PTPRD: variants seen among roughly 807,000 people sequenced by gnomAD.
PTPRD encodes the protein receptor-type tyrosine-protein phosphatase delta.
A neutral mutation model predicts 214.5 loss-of-function variants in PTPRD; 34 were observed. The ratio of observed to expected loss-of-function variants is 0.16; its 90% CI spans 0.12 to 0.21. PTPRD has a LOEUF of 0.21. PTPRD is among the 10% of genes least tolerant of loss of function. The pLI, the probability that PTPRD is intolerant of heterozygous loss-of-function variation, is 1.00. For missense variants in PTPRD, 2,545 were observed against 2,398.7 expected (o/e 1.06, Z -1.27); for synonymous variants, 1,128 against 845.7 (o/e 1.33, Z -5.79).
chr9:10,543,385 G>C lies in PTPRD; in HGVS notation c.-600+69013C>G, dbSNP rs2059536440. ...CTGACTGCTAAGAGTTCTTTGCAGA[G>C]CTGAAAAATTTACTCATAGAATTTG... On this transcript the variant is annotated intron_variant, in intron 2 of 45. Transcript: ENST00000381196. 2.0e-5 allele frequency among the ~76,000 whole-genome samples: 3 copies of C among 151,840 alleles called. No individual in the cohort carries two copies. The South Asian group carries it at 6.2e-4, about 32-fold the overall frequency.
At chr9:8,962,489 G>C (rs529026238) in intron 11 of PTPRD, among the ~76,000 whole-genome samples, 163 of 151,890 alleles carry the variant, frequency 1.1e-3, no homozygotes, top group Admixed American at 3.0e-3. Context: ...AATGACTAAA[G>C]ATAAGACATG....
intron 18 of PTPRD, 83 bp from the exon 19 acceptor site, chr9:8,523,607 G>T: frequency 6.7e-7 from 1 of 1,500,356 alleles, no homozygotes; most frequent in Admixed American, 1.8e-5. Flanking sequence ...AGAGTAAAAA[G>T]GCCATATCAA....
At chr9:9,189,487 C>G (rs749425771) in intron 9 of PTPRD, among the ~76,000 whole-genome samples, 4 of 151,996 alleles carry the variant, frequency 2.6e-5, no homozygotes, top group Non-Finnish European at 4.4e-5. Flanking sequence ...CCTTCAGAAC[C>G]CATCAGGGTT....
intron 5 of PTPRD, among the ~76,000 whole-genome samples, chr9:9,817,246 A>G (rs955477743): frequency 1.3e-5 from 2 of 152,138 alleles, no homozygotes; most frequent in African/African-American, 4.8e-5. Context: ...TTAACAACTA[A>G]CTACAACGAT....
At chr9:9,115,214 C>T (rs1490126070) in intron 10 of PTPRD, among the ~76,000 whole-genome samples, 1 of 152,100 alleles carries the variant, frequency 6.6e-6, no homozygotes, top group Non-Finnish European at 1.5e-5. Flanking sequence ...GGCAGGGAAG[C>T]AAGTTCAGAG....
intron 11 of PTPRD, among the ~76,000 whole-genome samples, chr9:8,882,444 A>G (rs2098454269): frequency 6.6e-6 from 1 of 152,224 alleles, no homozygotes; most frequent in African/African-American, 2.4e-5. Context: ...TCCTCACAAA[A>G]GTAGAGAAAT....
At chr9:9,827,993 G>C (rs2053538521) in intron 5 of PTPRD, among the ~76,000 whole-genome samples, 1 of 152,110 alleles carries the variant, frequency 6.6e-6, no homozygotes. Flanking sequence ...TCGTTAAAAA[G>C]TCAGGAAACA....
At chr9:9,445,086 AT>A (rs1309771681) in intron 8 of PTPRD, among the ~76,000 whole-genome samples, 2 of 152,132 alleles carry the variant, frequency 1.3e-5, no homozygotes, top group African/African-American at 4.8e-5. Flanking sequence ...AATTTGTAAG[AT>A]TTTTGCACTT....
chr9:10,364,430 C>G (rs1357411076), intron 2 of PTPRD, among the ~76,000 whole-genome samples: 1 of 152,150 alleles, frequency 6.6e-6, no homozygotes, highest in Non-Finnish European at 1.5e-5. Context: ...ACAGCCCTGA[C>G]TTCACCACTA....
chr9:8,443,586 T>A (rs144800927), intron 34 of PTPRD, among the ~76,000 whole-genome samples: 1 of 152,258 alleles, frequency 6.6e-6, no homozygotes, highest in East Asian at 1.9e-4. Flanking sequence ...GAAAATGAGG[T>A]CTTTGTGTTG....
intron 2 of PTPRD, among the ~76,000 whole-genome samples, chr9:10,559,148 A>C (rs2063285526): frequency 6.6e-6 from 1 of 152,122 alleles, no homozygotes; most frequent in African/African-American, 2.4e-5. Context: ...CTTCCACTGA[A>C]GAGAAAGATT....
intron 11 of PTPRD, chr9:8,962,662 G>C (rs535980780): frequency 1.0e-3 from 159 of 151,958 alleles, no homozygotes; most frequent in African/African-American, 3.6e-3. Flanking sequence ...TCTGAATGTG[G>C]GGTACTAAAA....
At chr9:9,580,480 G>T (rs548222997) in intron 7 of PTPRD, among the ~76,000 whole-genome samples, 2 of 151,362 alleles carry the variant, frequency 1.3e-5, no homozygotes, top group South Asian at 2.1e-4. Context: ...TTTTTGATGC[G>T]CTTGTTGGCC....
chr9:9,766,280 C>T (rs1323706098), intron 6 of PTPRD, among the ~76,000 whole-genome samples: 1 of 152,062 alleles, frequency 6.6e-6, no homozygotes, highest in East Asian at 1.9e-4. Context: ...TGTGTATTAA[C>T]CTTGAACTAT....
At chr9:8,850,270 A>C (rs1449881516) in intron 11 of PTPRD, among the ~76,000 whole-genome samples, 1 of 152,212 alleles carries the variant, frequency 6.6e-6, no homozygotes, top group East Asian at 1.9e-4. Flanking sequence ...ATCTATGTAG[A>C]AATTATTGTT....
chr9:8,410,874 A>ATAG (rs1564617499), intron 35 of PTPRD, among the ~76,000 whole-genome samples: 3 of 152,204 alleles, frequency 2.0e-5, no homozygotes, highest in Non-Finnish European at 4.4e-5. Context: ...AACAAAAAGG[A>ATAG]TAAACTATGC....
chr9:9,521,837 G>T lies in PTPRD; in HGVS notation c.-237+52895C>A, dbSNP rs560494280. Among the ~76,000 whole-genome samples the T allele has an allele frequency of 5.7e-4, 87 of 152,074 alleles. 1 individual carries two copies. Among genetic ancestry groups the T allele is most frequent in the African/African-American group, 1.9e-3 (80 of 41,478 alleles). On this transcript the variant is annotated intron_variant, in intron 8 of 45. Transcript: ENST00000381196. ...TAATGGACCTGTTTAGTGTTCTTTG[G>T]GGGCTTATAAATACTACAGAAAAAA...
At chr9:8,331,395 A>G (rs1330810089) in intron 44 of PTPRD, among the ~76,000 whole-genome samples, 187 bp downstream of exon 44, 1 of 125,708 alleles carries the variant, frequency 8.0e-6, no homozygotes, top group Non-Finnish European at 1.5e-5. Context: ...GGGGCTAAAC[A>G]TTTTCCTCTG....
intron 35 of PTPRD, among the ~76,000 whole-genome samples, chr9:8,421,122 T>G: frequency 6.6e-6 from 1 of 151,942 alleles, no homozygotes. Context: ...TAATGAAGCA[T>G]GCTTATTCAT....
Sources: allele counts gnomAD v4.1 joint callset (sites outside exome capture counted in the v4.1 genomes callset), GRCh38; gene constraint gnomAD v4.1.1; transcripts MANE v1.5; gene names NCBI Gene and HGNC (gene_info 2026-07-23, HGNC 2026-07-21).